Variants in PPFIA4 observed in about 807,000 individuals in gnomAD.
PPFIA4 encodes liprin-alpha-4.
In PPFIA4, 98 loss-of-function variants were observed where a neutral mutation model predicts 145.7. That is an observed-to-expected ratio of 0.67 (90% confidence interval 0.57 to 0.80). The LOEUF (loss-of-function observed/expected upper bound fraction) is 0.80, where lower values mean the gene tolerates loss of function less well. PPFIA4 is among the 30% of genes least tolerant of loss of function. PPFIA4 has a pLI of 0.00. For missense variants in PPFIA4, 1,457 were observed against 1,632.7 expected (o/e 0.89, Z 1.85); for synonymous variants, 628 against 649.6 (o/e 0.97, Z 0.51).
Position 203,051,854 on chromosome 1 carries a change from G to A in PPFIA4, c.1597G>A (p.Ala533Thr). Residue 533 changes from alanine to threonine, a missense_variant, in exon 14 of 30, where the codon GCA (alanine) becomes ACA (threonine). Ala to Thr is a moderately conservative substitution (Grantham distance 58, BLOSUM62 0). Coordinates refer to ENST00000295706, the MANE Select transcript of PPFIA4 (RefSeq NM_001304331.2). ...CCCAGGCGTGCATCGCCGCTACTCG[G>A]CATTGAGGGAAGAGTCTGCCAAGGT... ...APPGVHRRYS[A>T]LREESAKDWE... 1 of 1,613,608 alleles carries A rather than the reference G, an allele frequency of 6.2e-7. No homozygotes were observed. The highest frequency in any genetic ancestry group is 8.5e-7 in the Non-Finnish European group (1 of 1,179,714).
chr1:203,039,204 G>C lies in PPFIA4; in HGVS notation c.196G>C (p.Asp66His). Residue 66 changes from aspartate to histidine, a missense_variant, in exon 2 of 30, where the codon GAC (aspartate) becomes CAC (histidine). Coordinates refer to ENST00000295706, the MANE Select transcript of PPFIA4 (RefSeq NM_001304331.2). Reference sequence around the variant, plus strand: ...GCTCCAGGATGCCATACACGAGCGGGACCAGCTCCAGCGCCACCTTAACTC... The same window carrying C: ...GCTCCAGGATGCCATACACGAGCGGCACCAGCTCCAGCGCCACCTTAACTC... ...SRLQDAIHER[D>H]QLQRHLNSAL... 2 of 1,604,758 alleles carry C rather than the reference G, an allele frequency of 1.2e-6. No homozygotes were observed. Among genetic ancestry groups the C allele is most frequent in the Non-Finnish European group, 1.7e-6 (2 of 1,176,448 alleles).
chr1:203,033,943 C>T (rs1378776410), intron 1 of PPFIA4, among the ~76,000 whole-genome samples: 3 of 152,170 alleles, frequency 2.0e-5, no homozygotes, highest in African/African-American at 7.2e-5. Flanking sequence ...TTGGAGTTCC[C>T]CTTCTTTGAA....
intron 19 of PPFIA4, 79 bp downstream of exon 19, chr1:203,057,029 C>G: frequency 6.3e-7 from 1 of 1,578,552 alleles, no homozygotes; most frequent in Non-Finnish European, 8.6e-7. Flanking sequence ...GACTGGCCTT[C>G]TCTGCCTGCG....
chr1:203,063,503 A>C (rs1571726573), intron 24 of PPFIA4: 1 of 287,018 alleles, frequency 3.5e-6, no homozygotes, highest in East Asian at 1.3e-4. Context: ...CGTCTGCTGC[A>C]CAATACCGCA....
intron 1 of PPFIA4, chr1:203,035,269 G>A (rs899860422): frequency 2.2e-6 from 1 of 456,562 alleles, no homozygotes; most frequent in Non-Finnish European, 4.4e-6. Flanking sequence ...GTCTCCGCAG[G>A]GGCTGGCAAC....
Position 203,073,131 on chromosome 1 carries a change from G to A in PPFIA4, c.3393+1371G>A, listed in dbSNP as rs575714861. Among the ~76,000 whole-genome samples the A allele has an allele frequency of 2.0e-5, 3 of 152,310 alleles. No homozygotes were observed. In the South Asian group the frequency reaches 6.2e-4, roughly 32 times the overall value. ...TGCCCTGTGCCAGGCATTGTGCCAG[G>A]CATGGTGGTTAGTGATGACGATGTC... On this transcript the variant is annotated intron_variant, in intron 28 of 29. Transcript: ENST00000295706.
chr1:203,075,686 C>G lies in PPFIA4; in HGVS notation c.3503C>G (p.Ala1168Gly). The G allele has an allele frequency of 1.3e-6, 2 of 1,490,950 alleles. No individual in the cohort carries two copies. Among genetic ancestry groups the G allele is most frequent in the Non-Finnish European group, 8.9e-7 (1 of 1,118,174 alleles). 92.4% of individuals were successfully genotyped at this position (1,490,950 alleles called of 1,614,324 possible). A position where few individuals can be genotyped will look rare whatever the true frequency, so the allele number is the denominator to read the frequency against. Residue 1168 changes from alanine (A) to glycine (G), a missense_variant, in exon 29 of 30, where the codon GCG becomes GGG. Ala to Gly is a moderately conservative substitution (Grantham distance 60). Transcript: ENST00000295706. This position sits in a 1 kb window ranked among gnomAD's most constrained non-coding sequence, Gnocchi z 4.1. The stretch of plus-strand genomic sequence containing the variant: ...AGCGCTTCCGCGGAGACCCTCCCGG[C>G]GGGCTTCCGTGTGTCCACCCTGGGG... Reference protein sequence around the residue: ...MLSASAETLPAGFRVSTLGTL... With the variant: ...MLSASAETLPGGFRVSTLGTL...
At chr1:203,030,036 G>C (rs1322362133) in intron 1 of PPFIA4, among the ~76,000 whole-genome samples, 3 of 152,180 alleles carry the variant, frequency 2.0e-5, no homozygotes, top group South Asian at 2.1e-4. Flanking sequence ...ATATATACTT[G>C]ATGTGCCTTC....
At chr1:203,031,928 A>G (rs977971141) in intron 1 of PPFIA4, among the ~76,000 whole-genome samples, 3 of 152,250 alleles carry the variant, frequency 2.0e-5, no homozygotes, top group East Asian at 1.9e-4. Flanking sequence ...CTTAGTAACT[A>G]TATGATCTCT....
chr1:203,054,748 C>G (rs1238553906), intron 15 of PPFIA4, among the ~76,000 whole-genome samples: 4 of 151,970 alleles, frequency 2.6e-5, no homozygotes, highest in African/African-American at 9.7e-5. Context: ...GTAGGACCAC[C>G]AGCTTTTTAT....
Position 203,068,397 on chromosome 1 carries a change from G to A in PPFIA4, c.3149-56G>A. On this transcript the variant is annotated intron_variant, in intron 26 of 29. Coordinates refer to ENST00000295706, the MANE Select transcript of PPFIA4 (RefSeq NM_001304331.2). The surrounding 1 kb of genome is among the most constrained non-coding windows in gnomAD (Gnocchi z 4.7). Reference sequence around the variant, plus strand: ...GGGAGCTCTGCTTCTGTCCTTGGAGGGCCCTTGATGAAACGTAGTATCTCC... The same window carrying A: ...GGGAGCTCTGCTTCTGTCCTTGGAGAGCCCTTGATGAAACGTAGTATCTCC... The A allele has an allele frequency of 1.4e-6, 2 of 1,463,654 alleles. No individual in the cohort carries two copies. 90.7% of individuals were successfully genotyped at this position (1,463,654 alleles called of 1,614,324 possible).
Position 203,039,197 on chromosome 1 carries a change from C to T in PPFIA4, c.189C>T (p.His63=), listed in dbSNP as rs780110868. Reference sequence around the variant, plus strand: ...AGAGCCGGCTCCAGGATGCCATACACGAGCGGGACCAGCTCCAGCGCCACC... The same window carrying T: ...AGAGCCGGCTCCAGGATGCCATACATGAGCGGGACCAGCTCCAGCGCCACC... The part of the protein sequence containing the change: ...ATQSRLQDAI[H]ERDQLQRHLN... The change falls in exon 2 of 30, where the codon CAC becomes CAT. Residue 63 remains histidine, a synonymous_variant. Coordinates refer to ENST00000295706, the MANE Select transcript of PPFIA4 (RefSeq NM_001304331.2). 67 of 1,605,770 alleles carry T rather than the reference C, an allele frequency of 4.2e-5. No individual in the cohort carries two copies. Among genetic ancestry groups the T allele is most frequent in the Non-Finnish European group, 5.3e-5 (62 of 1,176,984 alleles).
At position 203,058,684 on chromosome 1, in the gene PPFIA4, G is replaced by T. The variant is rs193181701; in HGVS notation, c.2408-494G>T. ...CATCAATTCAAGGAGATGTTTAGTA[G>T]AAGACAGAACTCTGCATGTTCCCCT... On this transcript the variant is annotated intron_variant, in intron 19 of 29. Transcript: ENST00000295706. 1.6e-3 allele frequency among the ~76,000 whole-genome samples: 239 copies of T among 152,304 alleles called. 2 individuals are homozygous for T. The highest frequency in any genetic ancestry group is 1.2e-3 in the Admixed American group (19 of 15,306).
Position 203,043,530 on chromosome 1 carries a change from GCA to G in PPFIA4, c.336+34_336+35del. Reference sequence around the variant, plus strand: ...GGGGATGACCTTGTGTCGCGCGCGCGCACGTGTGTGTGTGTGTGTATGGGGGT... The same window carrying G: ...GGGGATGACCTTGTGTCGCGCGCGCGCGTGTGTGTGTGTGTGTATGGGGGT... On this transcript the variant is annotated intron_variant, in intron 3 of 29. Transcript: ENST00000295706. The surrounding 1 kb of genome is among the most constrained non-coding windows in gnomAD (Gnocchi z 4.4). The G allele has an allele frequency of 6.4e-7, 1 of 1,550,558 alleles. No homozygotes were observed. Among genetic ancestry groups the G allele is most frequent in the South Asian group, 1.2e-5 (1 of 86,086 alleles).
chr1:203,054,118 G>T, intron 15 of PPFIA4, 157 bp downstream of exon 15: 1 of 839,350 alleles, frequency 1.2e-6, no homozygotes, highest in Non-Finnish European at 2.0e-6. Context: ...CGCTGCCAGT[G>T]CCGGAGTGAG....
At chr1:203,071,463 T>A (rs2102694693) in intron 27 of PPFIA4, among the ~76,000 whole-genome samples, 1 of 86,634 alleles carries the variant, frequency 1.2e-5, no homozygotes, top group East Asian at 3.0e-4. Context: ...AAAAAAAAAA[T>A]TATGTTGTTC....
intron 18 of PPFIA4, 126 bp downstream of exon 18, chr1:203,056,634 C>A (rs1660973933): frequency 2.2e-6 from 3 of 1,381,152 alleles, no homozygotes; most frequent in Non-Finnish European, 3.0e-6. Context: ...CTTTGAAACA[C>A]CATCAGGGAA....
At chr1:203,047,893 G>A (rs1351439416) in intron 9 of PPFIA4, among the ~76,000 whole-genome samples, 1 of 152,236 alleles carries the variant, frequency 6.6e-6, no homozygotes, top group Non-Finnish European at 1.5e-5. Context: ...CCATCTGGAG[G>A]CGTAGAGGTT....
chr1:203,035,638 CCTGTGAGTGTTA>C (rs1473182314), intron 1 of PPFIA4: 4 of 456,632 alleles, frequency 8.8e-6, no homozygotes, highest in Non-Finnish European at 1.8e-5. Flanking sequence ...TGAATCAGGA[CCTGTGAGTGTTA>C]CTTAGAAATT....
Sources: gnomAD v4.1 joint callset for allele counts (sites outside exome capture counted in the v4.1 genomes callset) on GRCh38, gnomAD v4.1.1 for gene constraint, Gnocchi (gnomAD v3.1) non-coding constraint, MANE v1.5 for transcripts, NCBI Gene and HGNC (gene_info 2026-07-23, HGNC 2026-07-21) for gene names.